TDRD1: variants seen among roughly 807,000 people sequenced by gnomAD.
TDRD1 encodes the protein tudor domain containing 1, also known as tudor domain-containing protein 1.
In TDRD1, 37 loss-of-function variants were observed where a neutral mutation model predicts 140.6. The ratio of observed to expected loss-of-function variants is 0.26; its 90% CI spans 0.20 to 0.35. TDRD1 has a LOEUF of 0.35. Ranked by LOEUF, TDRD1 falls within the 10% of genes least tolerant of loss-of-function variation. TDRD1 has a pLI of 1.00. For synonymous variants in TDRD1, 506 were observed against 475.7 expected (o/e 1.06, Z -0.83); for missense variants, 1,243 against 1,393.0 (o/e 0.89, Z 1.71).
Position 114,227,957 on chromosome 10 carries a change from G to T in TDRD1, c.3450+1G>T. 1 of 1,613,560 alleles carries T rather than the reference G, an allele frequency of 6.2e-7. No individual in the cohort carries two copies. Among genetic ancestry groups the T allele is most frequent in the Non-Finnish European group, 8.5e-7 (1 of 1,179,638 alleles). ...CTGCTGCACAGAGTTACAGAAACAA[G>T]TAGGTAAAATTTCCTTTAAGTGAAA... On this transcript the variant is annotated splice_donor_variant, in intron 24 of 25. Coordinates refer to ENST00000251864, the Ensembl canonical transcript of TDRD1. LOFTEE classifies it high-confidence loss of function.
intron 11 of TDRD1, among the ~76,000 whole-genome samples, chr10:114,207,073 A>T (rs899307868): frequency 1.1e-4 from 17 of 152,250 alleles, no homozygotes; most frequent in African/African-American, 4.1e-4. Context: ...GTTTATTTAG[A>T]TTAACAAGAG....
chr10:114,231,515 T>C (rs1015996021), exon 26 of TDRD1: 13 of 1,598,110 alleles, frequency 8.1e-6, no homozygotes, highest in African/African-American at 1.4e-5. Context: ...TAAACCCTTA[T>C]GAGACAGGAA....
intron 11 of TDRD1, among the ~76,000 whole-genome samples, chr10:114,209,207 G>A (rs1324506593): frequency 2.6e-5 from 4 of 151,956 alleles, no homozygotes; most frequent in Admixed American, 2.0e-4. Flanking sequence ...CTCCAGCATG[G>A]GCAACATAGC....
At chr10:114,186,477 G>C (rs943807493) in intron 1 of TDRD1, among the ~76,000 whole-genome samples, 1 of 149,678 alleles carries the variant, frequency 6.7e-6, no homozygotes, top group Non-Finnish European at 1.5e-5. Context: ...TGTTAGCCAA[G>C]ATGATCTCGA....
intron 22 of TDRD1, among the ~76,000 whole-genome samples, 189 bp downstream of exon 22, chr10:114,226,405 A>T (rs1705841340): frequency 1.3e-5 from 2 of 152,172 alleles, no homozygotes; most frequent in African/African-American, 2.4e-5. Flanking sequence ...AACTGTGTTC[A>T]GTCAGTCTTT....
Position 114,231,509 on chromosome 10 carries a change from C to T in TDRD1, c.3562C>T (p.Pro1188Ser), listed in dbSNP as rs771345366. The change falls in exon 26 of 26, where the codon CCC becomes TCC. Residue 1188 changes from proline to serine, a missense_variant. By Grantham distance (74) the Pro-to-Ser change is moderately conservative (BLOSUM62 -1). Around this residue, in one of 5 missense-constraint regions of TDRD1, gnomAD observed 601 missense variants for 734.7 expected, o/e 0.82. Coordinates refer to ENST00000251864, the Ensembl canonical transcript of TDRD1. ...AGAAACAGCATCTCTTGGAGGTAAA[C>T]CCTTATGAGACAGGAAACAGCAAAG... The T allele has an allele frequency of 2.5e-5, 40 of 1,598,436 alleles. No individual in the cohort carries two copies. In the South Asian group the frequency reaches 3.7e-4, roughly 15 times the overall value.
At chr10:114,206,663 G>T (rs999511351) in intron 11 of TDRD1, among the ~76,000 whole-genome samples, 2 of 148,150 alleles carry the variant, frequency 1.3e-5, no homozygotes, top group Admixed American at 6.8e-5. Context: ...GTCCAAGCTG[G>T]AGTGCAATGG....
chr10:114,220,470 C>T, intron 18 of TDRD1, 98 bp from the exon 19 acceptor site: 1 of 785,262 alleles, frequency 1.3e-6, no homozygotes. Flanking sequence ...AATTGCTGAC[C>T]TGAAAGTAAA....
chr10:114,181,353 G>A lies in TDRD1; in HGVS notation c.-7+1937G>A, dbSNP rs558674629. Among the ~76,000 whole-genome samples, 49 of 152,278 alleles carry A rather than the reference G, an allele frequency of 3.2e-4. No homozygotes were observed. The Middle Eastern group carries it at 0.01, about 32-fold the overall frequency. ...ATATAGGGGGAATTATTTTAAAACT[G>A]GGTGAGGTTAGCCGATGTGGCTTCA... is the stretch of plus-strand genomic sequence containing the variant. On this transcript the variant is annotated intron_variant, in intron 1 of 25. Coordinates refer to ENST00000251864, the Ensembl canonical transcript of TDRD1.
At chr10:114,218,712 A>G (rs2035960144) in intron 18 of TDRD1, 128 bp downstream of exon 18, 1 of 688,860 alleles carries the variant, frequency 1.5e-6, no homozygotes, top group Non-Finnish European at 2.2e-6. Context: ...AAAACTTAGA[A>G]ATTTTACTTA....
At chr10:114,187,903 G>A (rs2033657269) in exon 2 of TDRD1, 1 of 1,612,494 alleles carries the variant, frequency 6.2e-7, no homozygotes, top group Admixed American at 1.7e-5. Context: ...AGATGACAGA[G>A]CCATTTAATT....
chr10:114,214,066 G>A, exon 16 of TDRD1: 1 of 1,613,594 alleles, frequency 6.2e-7, no homozygotes, highest in East Asian at 2.2e-5. Flanking sequence ...TGTGGTCTGT[G>A]TGATATATAG....
At chr10:114,231,067 A>G (rs1278378075) in intron 25 of TDRD1, among the ~76,000 whole-genome samples, 1 of 152,180 alleles carries the variant, frequency 6.6e-6, no homozygotes, top group Non-Finnish European at 1.5e-5. Context: ...ACCCTGTCTC[A>G]AAAAAATAAA....
chr10:114,194,715 G>C (rs1042726392), intron 3 of TDRD1, among the ~76,000 whole-genome samples: 2 of 142,904 alleles, frequency 1.4e-5, no homozygotes, highest in African/African-American at 2.6e-5. Flanking sequence ...TTTTGTCATT[G>C]TTTGGGGGTT....
chr10:114,232,015 TTC>T (rs1460616599), exon 26 of TDRD1: 1 of 152,546 alleles, frequency 6.6e-6, no homozygotes, highest in African/African-American at 2.4e-5. Context: ...ATTCCCTGCA[TTC>T]TCTGTCGTCT....
At chr10:114,198,526 T>C (rs1245047407) in intron 3 of TDRD1, among the ~76,000 whole-genome samples, 1 of 152,180 alleles carries the variant, frequency 6.6e-6, no homozygotes, top group Admixed American at 6.5e-5. Context: ...TCTCCCTTTG[T>C]GGGTGGGAGT....
intron 17 of TDRD1, 99 bp downstream of exon 17, chr10:114,217,754 T>G (rs572228435): frequency 6.2e-6 from 4 of 642,524 alleles, no homozygotes; most frequent in African/African-American, 5.7e-5. Context: ...AGCAAACATT[T>G]TTCATGGCCA....
intron 25 of TDRD1, among the ~76,000 whole-genome samples, chr10:114,229,821 T>C (rs927629669): frequency 1.3e-5 from 2 of 150,074 alleles, no homozygotes; most frequent in Non-Finnish European, 3.0e-5. Flanking sequence ...ATATATATTT[T>C]TTTTTTATTT....
chr10:114,191,391 CT>C (rs1161321936), intron 3 of TDRD1, among the ~76,000 whole-genome samples: 1 of 152,180 alleles, frequency 6.6e-6, no homozygotes, highest in African/African-American at 2.4e-5. Flanking sequence ...CCTTCTGCCC[CT>C]GCCCTCTTAA....
Sources: gnomAD v4.1 joint callset for allele counts (sites outside exome capture counted in the v4.1 genomes callset) on GRCh38, gnomAD v4.1.1 for gene constraint, gnomAD v4.1.1 regional missense constraint, MANE v1.5 for transcripts, NCBI Gene and HGNC (gene_info 2026-07-23, HGNC 2026-07-21) for gene names.